The following TULP3 variants were observed in gnomAD, a reference collection of about 807,000 sequenced individuals.
The protein encoded by TULP3 is tubby-related protein 3.
TULP3 carries 38 observed loss-of-function variants against 50.7 expected under a neutral mutation model. That is an observed-to-expected ratio of 0.75 (90% CI 0.58 to 0.98). The LOEUF is 0.98. Among genes scored for constraint, TULP3 ranks in the 50% least tolerant of loss-of-function variants. The probability of loss-of-function intolerance (pLI) is 0.00; values close to 1 mark genes in which losing one functional copy is unlikely to be tolerated. For synonymous variants in TULP3, 183 were observed against 196.6 expected (o/e 0.93, Z 0.58); for missense variants, 550 against 568.0 (o/e 0.97, Z 0.32).
chr12:2,927,366 A>ATTCTTTTTTTTTTTTTTTT (rs2098195291), intron 4 of TULP3, among the ~76,000 whole-genome samples: 1 of 105,194 alleles, frequency 9.5e-6, no homozygotes, highest in Non-Finnish European at 1.8e-5. Flanking sequence ...GTTGAGACTG[A>ATTCTTTTTTTTTTTTTTTT]TTTTTTTTTT....
Position 2,890,983 on chromosome 12 carries a change from C to A in TULP3, c.36C>A (p.Gly12=), listed in dbSNP as rs775280107. ...CGCGCTGCCGGCTCAGTCCCAGCGG[C>A]GACAGGTCAGACAGGGCCGTGGCAG... ...EASRCRLSPS[G]DSVFHEEMMK... The change falls in exon 1 of 11, where the codon GGC becomes GGA. Residue 12 remains glycine, a synonymous_variant. Transcript: ENST00000448120. 6.3e-7 allele frequency: 1 copy of A among 1,592,942 alleles called. No homozygotes were observed. The highest frequency in any genetic ancestry group is 8.5e-7 in the Non-Finnish European group (1 of 1,170,522).
intron 3 of TULP3, among the ~76,000 whole-genome samples, 152 bp from the exon 4 acceptor site, chr12:2,922,107 CCTT>C (rs2098192112): frequency 6.6e-6 from 1 of 152,124 alleles, no homozygotes; most frequent in Non-Finnish European, 1.5e-5. Flanking sequence ...CCAGTTCTGA[CCTT>C]CTCTCTTAAC....
intron 1 of TULP3, among the ~76,000 whole-genome samples, chr12:2,906,819 G>A (rs2098182582): frequency 6.6e-6 from 1 of 151,604 alleles, no homozygotes; most frequent in Non-Finnish European, 1.5e-5. Context: ...AGGAGGCTGA[G>A]GCAGGAGAAT....
In TULP3 at chr12:2,940,036, C is replaced by T; in HGVS notation, c.*592C>T. The stretch of plus-strand genomic sequence containing the variant: ...TTCCCTCACAGCAGATTGGCCGGCA[C>T]CAATCTTAGTCAAGAGTGGCTGTGA... On this transcript the variant is annotated 3_prime_UTR_variant, in exon 11 of 11. Transcript: ENST00000448120. The T allele has an allele frequency of 7.8e-7, 1 of 1,288,716 alleles. No homozygotes were observed. Among genetic ancestry groups the T allele is most frequent in the Non-Finnish European group, 1.0e-6 (1 of 988,376 alleles). The allele number at this position is 1,288,716 out of a possible 1,614,324, so 79.8% of individuals were successfully genotyped here.
chr12:2,894,277 G>A (rs1211776469), intron 1 of TULP3, among the ~76,000 whole-genome samples: 1 of 131,604 alleles, frequency 7.6e-6, no homozygotes, highest in East Asian at 2.4e-4. Flanking sequence ...ACCATGGGAG[G>A]CCGAGATGGC....
At position 2,939,030 on chromosome 12, in the gene TULP3, C is replaced by G. The variant is rs1025506883; in HGVS notation, c.1196-281C>G. Among the ~76,000 whole-genome samples the G allele has an allele frequency of 6.6e-6, 1 of 151,996 alleles. No individual in the cohort carries two copies. Among genetic ancestry groups the G allele is most frequent in the Non-Finnish European group, 1.5e-5 (1 of 67,996 alleles). ...TCACTTGAGCCTAGGTGTTTGAGAC[C>G]AGCTTGAGCAACATAGTGAGACCCT... On this transcript the variant is annotated intron_variant, in intron 10 of 10. Coordinates refer to ENST00000448120, the MANE Select transcript of TULP3 (RefSeq NM_003324.5). This position sits in a 1 kb window ranked among gnomAD's most constrained non-coding sequence, Gnocchi z 4.0.
intron 2 of TULP3, among the ~76,000 whole-genome samples, chr12:2,915,242 G>A (rs1295075483): frequency 2.0e-5 from 3 of 152,004 alleles, no homozygotes; most frequent in African/African-American, 2.4e-5. Context: ...CACCCATCTC[G>A]GCCTCCCAAA....
intron 4 of TULP3, among the ~76,000 whole-genome samples, chr12:2,923,742 C>T (rs1035155835): frequency 1.4e-4 from 21 of 151,336 alleles, no homozygotes; most frequent in Admixed American, 2.6e-4. Context: ...GAGGCTGAGG[C>T]GGGCAGATCA....
chr12:2,915,509 T>G (rs1199613167), intron 2 of TULP3, among the ~76,000 whole-genome samples: 1 of 151,234 alleles, frequency 6.6e-6, no homozygotes, highest in Non-Finnish European at 1.5e-5. Context: ...TGATCTTGCT[T>G]TGTGGGCGGG....
chr12:2,899,911 AAAAAAAAC>A (rs1425761081), intron 1 of TULP3, among the ~76,000 whole-genome samples: 31,977 of 138,640 alleles, frequency 0.23, 5,644 homozygotes, highest in African/African-American at 0.37. Context: ...AACAAACAAA[AAAAAAAAC>A]AAAAAAAACT....
At chr12:2,930,861 C>A (rs770480166) in intron 5 of TULP3, 176 bp from the exon 6 acceptor site, 1 of 696,374 alleles carries the variant, frequency 1.4e-6, no homozygotes, top group Non-Finnish European at 2.5e-6. Flanking sequence ...TTGATACTTA[C>A]TCTTCATTAC....
intron 2 of TULP3, among the ~76,000 whole-genome samples, chr12:2,918,603 T>C (rs4247306): frequency 0.48 from 72,642 of 151,710 alleles, 17,832 homozygotes; most frequent in African/African-American, 0.6. Flanking sequence ...TGCAGGGGCA[T>C]AATCTCAGCT....
chr12:2,903,676 T>A (rs2098180536), intron 1 of TULP3, among the ~76,000 whole-genome samples: 1 of 152,220 alleles, frequency 6.6e-6, no homozygotes, highest in African/African-American at 2.4e-5. Context: ...TTTTTATACC[T>A]GATTTTAAAA....
At chr12:2,905,955 G>T (rs2098181953) in intron 1 of TULP3, among the ~76,000 whole-genome samples, 1 of 151,270 alleles carries the variant, frequency 6.6e-6, no homozygotes, top group Admixed American at 6.6e-5. Flanking sequence ...GTTCATGGTG[G>T]AGATTGCAGT....
At chr12:2,906,777 G>C (rs905957102) in intron 1 of TULP3, among the ~76,000 whole-genome samples, 1 of 149,826 alleles carries the variant, frequency 6.7e-6, no homozygotes, top group East Asian at 2.1e-4. Context: ...TTAGCCGGGC[G>C]TGGTGGCACA....
intron 4 of TULP3, among the ~76,000 whole-genome samples, chr12:2,926,341 A>G (rs2098194656): frequency 6.6e-6 from 1 of 152,054 alleles, no homozygotes. Flanking sequence ...CTCTACAAAA[A>G]AATTACCTGG....
chr12:2,933,226 C>T (rs528179498), intron 6 of TULP3, among the ~76,000 whole-genome samples, 192 bp from the exon 7 acceptor site: 2 of 152,258 alleles, frequency 1.3e-5, no homozygotes, highest in South Asian at 4.1e-4. Flanking sequence ...CAGGCGTGAG[C>T]CACCACACCC....
chr12:2,915,361 C>T (rs919891515), intron 2 of TULP3, among the ~76,000 whole-genome samples: 5 of 152,058 alleles, frequency 3.3e-5, no homozygotes, highest in East Asian at 3.9e-4. Flanking sequence ...ACATTTATTT[C>T]GTCTGATGAA....
At chr12:2,898,868 C>CA (rs3056917) in intron 1 of TULP3, among the ~76,000 whole-genome samples, 1 of 151,156 alleles carries the variant, frequency 6.6e-6, no homozygotes, top group Non-Finnish European at 1.5e-5. Context: ...TTTGTAGAGA[C>CA]GGGTCTCACT....
Sources: gnomAD v4.1 joint callset for allele counts (sites outside exome capture counted in the v4.1 genomes callset) on GRCh38, gnomAD v4.1.1 for gene constraint, Gnocchi (gnomAD v3.1) non-coding constraint, MANE v1.5 for transcripts, NCBI Gene and HGNC (gene_info 2026-07-23, HGNC 2026-07-21) for gene names.